PCBP2: variants seen among roughly 807,000 people sequenced by gnomAD.
The protein encoded by PCBP2 is poly(rC)-binding protein 2.
A neutral mutation model predicts 50.1 loss-of-function variants in PCBP2; 4 were observed. The observed-to-expected ratio is 0.08, with a 90% confidence interval of 0.04 to 0.18. The LOEUF is 0.18. Ranked by LOEUF, PCBP2 falls within the 10% of genes least tolerant of loss-of-function variation. The probability of loss-of-function intolerance (pLI) is 1.00; values close to 1 mark genes in which losing one functional copy is unlikely to be tolerated. For missense variants in PCBP2, 161 were observed against 474.3 expected, an observed-to-expected ratio of 0.34 and a Z score of 6.14; for synonymous variants, 179 against 168.0, an observed-to-expected ratio of 1.07 and a Z score of -0.51.
At chr12:53,475,394 CTGAG>C (rs1442678389) in intron 14 of PCBP2, 1 of 338,364 alleles carries the variant, frequency 3.0e-6, no homozygotes, top group African/African-American at 2.2e-5. Context: ...GCCATTTCAG[CTGAG>C]TGCCTGTTTC....
In PCBP2 at chr12:53,461,150, C is replaced by T; in HGVS notation, c.504+7C>T. On this transcript the variant is annotated splice_region_variant and intron_variant, in intron 7 of 14. Coordinates refer to ENST00000546463, the MANE Select transcript of PCBP2 (RefSeq NM_031989.5). ...CTGCGTGGTCATGTTGGAGGTAAGC[C>T]CTCAGGCTCATGCTGAAAATGGGGG... 6.2e-7 allele frequency: 1 copy of T among 1,613,556 alleles called. No homozygotes were observed. Among genetic ancestry groups the T allele is most frequent in the Non-Finnish European group, 8.5e-7 (1 of 1,179,702 alleles).
At chr12:53,456,512 C>T (rs1324040917) in intron 5 of PCBP2, among the ~76,000 whole-genome samples, 2 of 151,208 alleles carry the variant, frequency 1.3e-5, no homozygotes, top group Non-Finnish European at 2.9e-5. Context: ...TTGCCATGGA[C>T]TTAATATAAA....
chr12:53,456,433 G>C (rs1170746768), intron 5 of PCBP2, among the ~76,000 whole-genome samples: 3 of 150,678 alleles, frequency 2.0e-5, no homozygotes, highest in Admixed American at 6.6e-5. Flanking sequence ...ACTCCAGCCT[G>C]GGCAACAGAG....
chr12:53,459,229 GT>G, intron 5 of PCBP2, 42 bp from the exon 6 acceptor site: 1 of 1,532,300 alleles, frequency 6.5e-7, no homozygotes, highest in Non-Finnish European at 8.8e-7. Context: ...GCAGTTACTA[GT>G]TTCCAGGGAT....
At chr12:53,476,785 C>T (rs903900138) in intron 14 of PCBP2, among the ~76,000 whole-genome samples, 4 of 152,280 alleles carry the variant, frequency 2.6e-5, no homozygotes, top group Admixed American at 2.6e-4. Flanking sequence ...GATGGCCAAA[C>T]CTGTCCAGTA....
At chr12:53,461,586 A>T (rs1178007472) in intron 7 of PCBP2, among the ~76,000 whole-genome samples, 2 of 152,250 alleles carry the variant, frequency 1.3e-5, no homozygotes, top group Non-Finnish European at 2.9e-5. Context: ...GATGTTTCCG[A>T]ATGACTTACA....
intron 10 of PCBP2, among the ~76,000 whole-genome samples, chr12:53,466,877 A>G (rs985607206): frequency 6.6e-6 from 1 of 151,968 alleles, no homozygotes; most frequent in Non-Finnish European, 1.5e-5. Flanking sequence ...TTGTTTACCT[A>G]GCCTGTCTGT....
At chr12:53,476,243 G>GGAGTA (rs1942574930) in intron 14 of PCBP2, among the ~76,000 whole-genome samples, 3 of 152,096 alleles carry the variant, frequency 2.0e-5, no homozygotes, top group African/African-American at 7.2e-5. Flanking sequence ...AGCACTATCA[G>GGAGTA]GAGTAGGAAG....
intron 5 of PCBP2, among the ~76,000 whole-genome samples, chr12:53,458,210 G>A (rs1941183648): frequency 6.6e-6 from 1 of 152,160 alleles, no homozygotes; most frequent in African/African-American, 2.4e-5. Flanking sequence ...ATACAGGCCT[G>A]AGCCACCGTG....
At chr12:53,455,585 A>C in intron 4 of PCBP2, 92 bp downstream of exon 4, 27 of 1,265,756 alleles carry the variant, frequency 2.1e-5, no homozygotes, top group Non-Finnish European at 3.0e-5. Flanking sequence ...GGAAGGTCTC[A>C]ATAAGGGAAA....
intron 5 of PCBP2, among the ~76,000 whole-genome samples, chr12:53,458,827 C>T (rs879289018): frequency 1.1e-4 from 16 of 147,906 alleles, no homozygotes; most frequent in Non-Finnish European, 1.9e-4. Context: ...TTAGTGGAGA[C>T]GGGGTCTCAC....
chr12:53,452,641 G>T (rs1008983244), intron 1 of PCBP2, among the ~76,000 whole-genome samples: 1 of 151,670 alleles, frequency 6.6e-6, no homozygotes, highest in Admixed American at 6.5e-5. Flanking sequence ...GCGCGCGCGC[G>T]GTAGGGGGGG....
chr12:53,456,100 TTGAGACTCGC>T lies in PCBP2; in HGVS notation c.243+102_243+111del. The T allele has an allele frequency of 2.2e-5, 17 of 759,016 alleles. 1 individual carries two copies. The highest frequency in any genetic ancestry group is 1.8e-4 in the South Asian group (12 of 65,594). The allele number at this position is 759,016 out of a possible 1,614,324, so 47.0% of individuals were successfully genotyped here. ...TTTAAATTCAAGGACACACTGGACC[TTGAGACTCGC>T]TGTAAATGGGTCCTTAGCTTCCTGT... is the stretch of plus-strand genomic sequence containing the variant. On this transcript the variant is annotated intron_variant, in intron 5 of 14. Coordinates refer to ENST00000546463, the MANE Select transcript of PCBP2 (RefSeq NM_031989.5).
chr12:53,472,205 A>C (rs943482223), intron 14 of PCBP2, among the ~76,000 whole-genome samples: 1 of 152,220 alleles, frequency 6.6e-6, no homozygotes, highest in Non-Finnish European at 1.5e-5. Context: ...TGTAATAAGG[A>C]CATTGGAGTA....
rs80207074 is a variant in PCBP2 at position 53,461,672 on chromosome 12, A to G, written c.504+529A>G. Among the ~76,000 whole-genome samples, 790 of 152,146 alleles carry G rather than the reference A, an allele frequency of 5.2e-3. 7 individuals carry two copies. The highest frequency in any genetic ancestry group is 0.019 in the African/African-American group (771 of 41,488). ...AAAATTAAGCCTTTTCAGATTTGTGATATGGAGTTGGTTTCATTGGTGAGA... is the reference window on the plus strand; with the variant it reads ...AAAATTAAGCCTTTTCAGATTTGTGGTATGGAGTTGGTTTCATTGGTGAGA... On this transcript the variant is annotated intron_variant, in intron 7 of 14. Coordinates refer to ENST00000546463, the MANE Select transcript of PCBP2 (RefSeq NM_031989.5).
At chr12:53,478,925 A>G (rs184803034) in intron 14 of PCBP2, among the ~76,000 whole-genome samples, 54 of 152,218 alleles carry the variant, frequency 3.5e-4, no homozygotes, top group Admixed American at 3.5e-3. Context: ...ACACATTGAT[A>G]GAACTCCAGG....
At chr12:53,461,530 G>A (rs1378001453) in intron 7 of PCBP2, among the ~76,000 whole-genome samples, 1 of 152,168 alleles carries the variant, frequency 6.6e-6, no homozygotes, top group African/African-American at 2.4e-5. Context: ...CACTTTGTAG[G>A]AGGGTATTCA....
Position 53,479,536 on chromosome 12 carries a change from T to C in PCBP2, c.*94T>C. ...CTGAACAGTCAGCGATTCCAGGTTT[T>C]AAATAGTTTGTAAATTTTCAGTTTC... On this transcript the variant is annotated 3_prime_UTR_variant, in exon 15 of 15. Transcript: ENST00000546463. The C allele has an allele frequency of 8.9e-7, 1 of 1,118,900 alleles. No homozygotes were observed. The highest frequency in any genetic ancestry group is 1.3e-6 in the Non-Finnish European group (1 of 747,646). 69.3% of individuals were successfully genotyped at this position (1,118,900 alleles called of 1,614,324 possible). A position where few individuals can be genotyped will look rare whatever the true frequency, so the allele number is the denominator to read the frequency against.
intron 12 of PCBP2, 71 bp from the exon 13 acceptor site, chr12:53,468,706 A>T: frequency 9.0e-7 from 1 of 1,109,986 alleles, no homozygotes; most frequent in Non-Finnish European, 1.4e-6. Context: ...TCCTTCTGTT[A>T]GTTTAATGTG....
Sources: allele counts gnomAD v4.1 joint callset (sites outside exome capture counted in the v4.1 genomes callset), GRCh38; gene constraint gnomAD v4.1.1; transcripts MANE v1.5; gene names NCBI Gene and HGNC (gene_info 2026-07-23, HGNC 2026-07-21).